The following DUSP16 variants were observed in gnomAD, a reference collection of about 807,000 sequenced individuals.
DUSP16 encodes dual specificity protein phosphatase 16.
In DUSP16, 21 loss-of-function variants were observed where a neutral mutation model predicts 58.3. The ratio of observed to expected loss-of-function variants is 0.36; its 90% CI spans 0.26 to 0.52. DUSP16 has a LOEUF of 0.52. Among genes scored for constraint, DUSP16 ranks in the 20% least tolerant of loss-of-function variants. DUSP16 has a pLI of 0.94. For synonymous variants in DUSP16, 320 were observed against 323.8 expected, an observed-to-expected ratio of 0.99 and a Z score of 0.12; for missense variants, 726 against 819.0, an observed-to-expected ratio of 0.89 and a Z score of 1.39.
In DUSP16 at chr12:12,473,818, T is replaced by C. The variant is rs1565957002; in HGVS notation, c.*3015A>G. On this transcript the variant is annotated 3_prime_UTR_variant, in exon 7 of 7. Coordinates refer to ENST00000298573, the MANE Select transcript of DUSP16 (RefSeq NM_030640.3). Reference sequence around the variant, plus strand: ...AGGACAAAGGACAGCTCTTCAACAATTGCCCTTCCTGTTTTTCCTGTAGGA... The same window carrying C: ...AGGACAAAGGACAGCTCTTCAACAACTGCCCTTCCTGTTTTTCCTGTAGGA... Among the ~76,000 whole-genome samples the C allele has an allele frequency of 6.6e-6, 1 of 152,236 alleles. No homozygotes were observed. The highest frequency in any genetic ancestry group is 6.5e-5 in the Admixed American group (1 of 15,284).
intron 3 of DUSP16, among the ~76,000 whole-genome samples, chr12:12,511,425 C>T (rs1002102184): frequency 2.0e-5 from 3 of 152,122 alleles, no homozygotes; most frequent in African/African-American, 7.2e-5. Context: ...ATTCCCATTT[C>T]TCTCCTTCAC....
In DUSP16 at chr12:12,490,648, G is replaced by C. The variant is rs190809870; in HGVS notation, c.532-3461C>G. On this transcript the variant is annotated intron_variant, in intron 4 of 6. Coordinates refer to ENST00000298573, the MANE Select transcript of DUSP16 (RefSeq NM_030640.3). Reference sequence around the variant, plus strand: ...TCTTGTTTTCTAGGTTAGCTGACTGGAGTTCGTAAGCAAATCACACCTAAG... The same window carrying C: ...TCTTGTTTTCTAGGTTAGCTGACTGCAGTTCGTAAGCAAATCACACCTAAG... Among the ~76,000 whole-genome samples, 814 of 149,726 alleles carry C rather than the reference G, an allele frequency of 5.4e-3. 8 individuals are homozygous for C. Among genetic ancestry groups the C allele is most frequent in the African/African-American group, 0.019 (742 of 39,184 alleles).
chr12:12,558,070 T>A (rs1473257902), intron 1 of DUSP16, among the ~76,000 whole-genome samples: 1 of 152,278 alleles, frequency 6.6e-6, no homozygotes, highest in Admixed American at 6.5e-5. Context: ...TTTGCATATG[T>A]ATGTATCTCC....
At chr12:12,485,355 G>A (rs1307288894) in intron 5 of DUSP16, 1 of 152,098 alleles carries the variant, frequency 6.6e-6, no homozygotes, top group Non-Finnish European at 1.5e-5. Flanking sequence ...ATCTTCAGAT[G>A]TTTCACAGAA....
chr12:12,519,781 G>T, intron 3 of DUSP16, 81 bp downstream of exon 3: 1 of 1,428,972 alleles, frequency 7.0e-7, no homozygotes, highest in Middle Eastern at 1.8e-4. Context: ...ATGATCTATT[G>T]TACTGAGTTC....
At chr12:12,511,956 A>G (rs1324988738) in intron 3 of DUSP16, among the ~76,000 whole-genome samples, 1 of 152,202 alleles carries the variant, frequency 6.6e-6, no homozygotes, top group South Asian at 2.1e-4. Context: ...GTTTGTGCAC[A>G]ATATCAGGAT....
At chr12:12,538,139 T>C (rs943270031) in intron 1 of DUSP16, among the ~76,000 whole-genome samples, 1 of 152,194 alleles carries the variant, frequency 6.6e-6, no homozygotes, top group East Asian at 1.9e-4. Context: ...TTTGAAAACA[T>C]GCATCCCCGT....
intron 1 of DUSP16, among the ~76,000 whole-genome samples, chr12:12,546,453 T>A (rs1944642040): frequency 1.3e-5 from 2 of 152,244 alleles, no homozygotes; most frequent in Non-Finnish European, 2.9e-5. Context: ...GCTCTGACCA[T>A]TATGGCAACT....
chr12:12,540,461 T>C (rs773816309), intron 1 of DUSP16, among the ~76,000 whole-genome samples: 1 of 152,376 alleles, frequency 6.6e-6, no homozygotes, highest in Non-Finnish European at 1.5e-5. Context: ...CTATTTCCCT[T>C]GTACAGTGGG....
At chr12:12,521,783 T>C (rs921180011) in intron 1 of DUSP16, among the ~76,000 whole-genome samples, 1 of 152,238 alleles carries the variant, frequency 6.6e-6, no homozygotes, top group Admixed American at 6.5e-5. Context: ...AAAAAGCTGC[T>C]TGAAGTATTA....
intron 5 of DUSP16, 108 bp from the exon 6 acceptor site, chr12:12,480,454 A>G (rs961693096): frequency 5.3e-6 from 7 of 1,314,600 alleles, no homozygotes; most frequent in Admixed American, 2.1e-5. Context: ...CCTCTACGCA[A>G]ATCTCATCTG....
intron 2 of DUSP16, among the ~76,000 whole-genome samples, chr12:12,520,241 T>C (rs527417739): frequency 6.6e-6 from 1 of 152,218 alleles, no homozygotes; most frequent in Non-Finnish European, 1.5e-5. Context: ...AAATCCTTTA[T>C]ACTATAAAAT....
rs1943437622 is a variant in DUSP16, at chr12:12,476,465, GACTA to G, written c.*364_*367del. 5.5e-6 allele frequency: 1 copy of G among 183,070 alleles called. No individual in the cohort carries two copies. The highest frequency in any genetic ancestry group is 2.4e-5 in the African/African-American group (1 of 41,930). 11.3% of individuals were successfully genotyped at this position (183,070 alleles called of 1,614,324 possible). A position where few individuals can be genotyped will look rare whatever the true frequency, so the allele number is the denominator to read the frequency against. ...TGTACTATGGAAGGGTCCGGACAAAGACTAATATTTGAGATCTCTTAGTAGCACA... is the reference window on the plus strand; with the variant it reads ...TGTACTATGGAAGGGTCCGGACAAAGATATTTGAGATCTCTTAGTAGCACA... On this transcript the variant is annotated 3_prime_UTR_variant, in exon 7 of 7. Transcript: ENST00000298573.
chr12:12,490,740 C>T (rs1167651877), intron 4 of DUSP16, among the ~76,000 whole-genome samples: 1 of 152,108 alleles, frequency 6.6e-6, no homozygotes, highest in African/African-American at 2.4e-5. Context: ...CTATCAGTGC[C>T]AAAGCCTTCT....
intron 5 of DUSP16, among the ~76,000 whole-genome samples, chr12:12,483,222 G>A (rs1336970877): frequency 7.2e-5 from 11 of 152,044 alleles, no homozygotes; most frequent in Non-Finnish European, 1.5e-5. Context: ...AAAGAAGGAA[G>A]TAATACTAAG....
intron 1 of DUSP16, among the ~76,000 whole-genome samples, chr12:12,557,696 T>A (rs1322941349): frequency 6.6e-6 from 1 of 152,218 alleles, no homozygotes; most frequent in African/African-American, 2.4e-5. Flanking sequence ...CCCTGATCAT[T>A]ACCTTTACTA....
chr12:12,561,072 T>C (rs1338478791), intron 1 of DUSP16: 1 of 152,156 alleles, frequency 6.6e-6, no homozygotes, highest in Non-Finnish European at 1.5e-5. Context: ...TATAATCTTT[T>C]AAAACAGAAG....
chr12:12,520,097 A>C lies in DUSP16; in HGVS notation c.229-97T>G, dbSNP rs1367325503. 7.5e-6 allele frequency: 9 copies of C among 1,194,302 alleles called. No homozygotes were observed. In the East Asian group the frequency reaches 2.2e-4, roughly 29 times the overall value. The allele number at this position is 1,194,302 out of a possible 1,614,324, so 74.0% of individuals were successfully genotyped here. On this transcript the variant is annotated intron_variant, in intron 2 of 6. Coordinates refer to ENST00000298573, the MANE Select transcript of DUSP16 (RefSeq NM_030640.3). ...ACATTTACCAGTGCTGGGGCGAATAATTGCTTCCTGTTTTCAATTAATAAT... is the reference window on the plus strand; with the variant it reads ...ACATTTACCAGTGCTGGGGCGAATACTTGCTTCCTGTTTTCAATTAATAAT...
chr12:12,495,240 A>G (rs943191086), intron 4 of DUSP16, among the ~76,000 whole-genome samples: 15 of 149,984 alleles, frequency 1.0e-4, no homozygotes, highest in Non-Finnish European at 1.8e-4. Context: ...CCATTACAAA[A>G]AAAAAAAAAA....
Sources: allele counts gnomAD v4.1 joint callset (sites outside exome capture counted in the v4.1 genomes callset), GRCh38; gene constraint gnomAD v4.1.1; transcripts MANE v1.5; gene names NCBI Gene and HGNC (gene_info 2026-07-23, HGNC 2026-07-21).